The following ATP9A variants were observed in gnomAD, a reference collection of about 807,000 sequenced individuals.
ATP9A encodes the protein ATPase phospholipid transporting 9A, also known as probable phospholipid-transporting ATPase IIA.
A neutral mutation model predicts 144.1 loss-of-function variants in ATP9A; 52 were observed. The ratio of observed to expected loss-of-function variants is 0.36; its 90% CI spans 0.29 to 0.45. The LOEUF is 0.45. Among genes scored for constraint, ATP9A ranks in the 20% least tolerant of loss-of-function variants. The pLI is 1.00. For synonymous variants in ATP9A, 582 were observed against 557.4 expected (o/e 1.04, Z -0.62); for missense variants, 947 against 1,392.7 (o/e 0.68, Z 5.09).
intron 14 of ATP9A, among the ~76,000 whole-genome samples, chr20:51,645,917 G>A (rs947005288): frequency 6.6e-6 from 1 of 152,242 alleles, no homozygotes; most frequent in African/African-American, 2.4e-5. Flanking sequence ...GCATCTCACT[G>A]CTGTTAACAG....
intron 9 of ATP9A, among the ~76,000 whole-genome samples, chr20:51,687,363 T>C (rs2077527675): frequency 1.3e-5 from 2 of 152,168 alleles, no homozygotes; most frequent in South Asian, 2.1e-4. Flanking sequence ...TTGTATTAAG[T>C]AGTGCATGTG....
At chr20:51,739,320 A>G (rs1376790660) in intron 1 of ATP9A, among the ~76,000 whole-genome samples, 5 of 148,660 alleles carry the variant, frequency 3.4e-5, no homozygotes, top group Admixed American at 3.4e-4. Flanking sequence ...CTAGACTGCC[A>G]TAGAGTTTTC....
chr20:51,725,688 T>G (rs1023312667), intron 3 of ATP9A, 131 bp downstream of exon 3: 22 of 630,126 alleles, frequency 3.5e-5, no homozygotes, highest in Non-Finnish European at 5.7e-6. Context: ...AGACTCCCAA[T>G]GTATTGGCCT....
intron 1 of ATP9A, among the ~76,000 whole-genome samples, chr20:51,751,288 G>T (rs1294131601): frequency 7.5e-6 from 1 of 132,886 alleles, no homozygotes; most frequent in South Asian, 2.5e-4. Flanking sequence ...TTGAGACAGC[G>T]TCACACTCCA....
chr20:51,600,853 C>T lies in ATP9A; in HGVS notation c.*358G>A, dbSNP rs2077139872. On this transcript the variant is annotated 3_prime_UTR_variant, in exon 28 of 28. Coordinates refer to ENST00000338821, the MANE Select transcript of ATP9A (RefSeq NM_006045.3). Reference sequence around the variant, plus strand: ...ACACACACACACACACACAAGCCTTCTACAACCTTCAGCTACACAGAAACT... The same window carrying T: ...ACACACACACACACACACAAGCCTTTTACAACCTTCAGCTACACAGAAACT... 1 of 181,246 alleles carries T rather than the reference C, an allele frequency of 5.5e-6. No homozygotes were observed. Among genetic ancestry groups the T allele is most frequent in the Non-Finnish European group, 1.1e-5 (1 of 87,340 alleles). 11.2% of individuals were successfully genotyped at this position (181,246 alleles called of 1,614,324 possible). A position where few individuals can be genotyped will look rare whatever the true frequency, so the allele number is the denominator to read the frequency against.
At chr20:51,631,100 GT>G (rs1194466576) in intron 15 of ATP9A, among the ~76,000 whole-genome samples, 1 of 152,168 alleles carries the variant, frequency 6.6e-6, no homozygotes, top group African/African-American at 2.4e-5. Context: ...TTGTTCTTTG[GT>G]TTCAGGCTCC....
At chr20:51,716,993 G>A (rs1273265315) in intron 3 of ATP9A, among the ~76,000 whole-genome samples, 4 of 151,944 alleles carry the variant, frequency 2.6e-5, no homozygotes, top group South Asian at 4.2e-4. Flanking sequence ...AGCCAACATG[G>A]TGAAACCCCC....
intron 7 of ATP9A, among the ~76,000 whole-genome samples, chr20:51,691,616 G>A (rs534979960): frequency 1.6e-3 from 247 of 152,360 alleles, no homozygotes; most frequent in African/African-American, 5.8e-3. Flanking sequence ...GTGTGAAGAT[G>A]TGGAGAATGT....
chr20:51,613,259 T>TAGTC (rs1359340241), intron 23 of ATP9A, among the ~76,000 whole-genome samples: 1 of 152,172 alleles, frequency 6.6e-6, no homozygotes, highest in Non-Finnish European at 1.5e-5. Flanking sequence ...AGGGCCTGAA[T>TAGTC]AGTCATTCAG....
At chr20:51,618,638 C>A (rs758203853) in intron 21 of ATP9A, 24 bp downstream of exon 21, 15 of 1,600,218 alleles carry the variant, frequency 9.4e-6, no homozygotes, top group East Asian at 4.5e-5. Context: ...CCAGGGCCAG[C>A]AGCACAGCCT....
intron 26 of ATP9A, 53 bp downstream of exon 26, chr20:51,607,474 C>A (rs948824818): frequency 2.0e-6 from 3 of 1,490,102 alleles, no homozygotes; most frequent in Non-Finnish European, 2.8e-6. Flanking sequence ...GAAGGGGACA[C>A]CCTGAGTCAG....
intron 21 of ATP9A, among the ~76,000 whole-genome samples, chr20:51,618,152 G>A (rs534312034): frequency 1.6e-4 from 24 of 151,900 alleles, no homozygotes; most frequent in African/African-American, 5.1e-4. Context: ...CCCGGGAGAC[G>A]GAGGTTGCAA....
intron 4 of ATP9A, among the ~76,000 whole-genome samples, chr20:51,705,608 G>A (rs941253828): frequency 2.6e-5 from 4 of 152,136 alleles, no homozygotes; most frequent in African/African-American, 9.7e-5. Flanking sequence ...CTAATTGTCC[G>A]CTTGCTTCAT....
chr20:51,719,730 T>G (rs1337363605), intron 3 of ATP9A, among the ~76,000 whole-genome samples: 1 of 65,154 alleles, frequency 1.5e-5, no homozygotes, highest in African/African-American at 5.3e-5. Context: ...AGACTCTGTC[T>G]CAAAAAAAAA....
chr20:51,653,151 T>C (rs1601083729), intron 14 of ATP9A, among the ~76,000 whole-genome samples: 1 of 147,704 alleles, frequency 6.8e-6, no homozygotes. Context: ...CACTGGCCTC[T>C]GAAGACACCA....
chr20:51,658,142 T>G (rs975463553), intron 13 of ATP9A, among the ~76,000 whole-genome samples: 12 of 152,224 alleles, frequency 7.9e-5, no homozygotes, highest in Admixed American at 3.9e-4. Flanking sequence ...AAGTGGTGTC[T>G]GTCCTCTGAG....
At chr20:51,671,065 G>C (rs368753589) in intron 12 of ATP9A, 50 bp downstream of exon 12, 29 of 1,593,842 alleles carry the variant, frequency 1.8e-5, no homozygotes, top group Middle Eastern at 3.3e-4. Context: ...AAAGCCCTCA[G>C]GCATCTTCTC....
At chr20:51,742,762 G>A (rs968927019) in intron 1 of ATP9A, among the ~76,000 whole-genome samples, 7 of 152,120 alleles carry the variant, frequency 4.6e-5, no homozygotes, top group African/African-American at 1.2e-4. Flanking sequence ...TGATCCAGCC[G>A]CCTCGGCCTC....
At chr20:51,686,117 C>T (rs2077521814) in intron 9 of ATP9A, among the ~76,000 whole-genome samples, 2 of 152,000 alleles carry the variant, frequency 1.3e-5, no homozygotes, top group Admixed American at 6.6e-5. Context: ...ATCGCAAGGA[C>T]GGAAAACCAA....
Sources: gnomAD v4.1 joint callset for allele counts (sites outside exome capture counted in the v4.1 genomes callset) on GRCh38, gnomAD v4.1.1 for gene constraint, MANE v1.5 for transcripts, NCBI Gene and HGNC (gene_info 2026-07-23, HGNC 2026-07-21) for gene names.